The following ZHX1 variants were observed in gnomAD, a reference collection of about 807,000 sequenced individuals.
ZHX1 encodes the protein zinc fingers and homeoboxes protein 1.
A neutral mutation model predicts 61.8 loss-of-function variants in ZHX1; 20 were observed. That is an observed-to-expected ratio of 0.32 (90% confidence interval 0.23 to 0.47). The LOEUF is 0.47. Among genes scored for constraint, ZHX1 ranks in the 20% least tolerant of loss-of-function variants. ZHX1 has a pLI of 1.00. For synonymous variants in ZHX1, 318 were observed against 352.6 expected, an observed-to-expected ratio of 0.90 and a Z score of 1.10; for missense variants, 800 against 1,034.8, an observed-to-expected ratio of 0.77 and a Z score of 3.11.
rs869039149 is a variant in ZHX1 at position 123,249,837 on chromosome 8, GTTTT to G, written c.*483_*486del. On this transcript the variant is annotated 3_prime_UTR_variant, in exon 4 of 4. Coordinates refer to ENST00000395571, the MANE Select transcript of ZHX1 (RefSeq NM_007222.5). ...AAATAAGACATAGTAATAAATCAGG[GTTTT>G]TTTTTTTTTTTTTTTTTTACCCATT... 1.0e-4 allele frequency: 12 copies of G among 117,306 alleles called. No homozygotes were observed. The highest frequency in any genetic ancestry group is 2.5e-4 in the East Asian group (1 of 4,066). 7.3% of individuals were successfully genotyped at this position (117,306 alleles called of 1,614,324 possible). A position where few individuals can be genotyped will look rare whatever the true frequency, so the allele number is the denominator to read the frequency against.
intron 2 of ZHX1, among the ~76,000 whole-genome samples, chr8:123,265,586 T>A (rs1157976942): frequency 6.6e-6 from 1 of 152,032 alleles, no homozygotes; most frequent in Non-Finnish European, 1.5e-5. Flanking sequence ...AATGTAAAAA[T>A]AAAAATAAAA....
chr8:123,258,805 TAAAATAA>T (rs1826156523), intron 2 of ZHX1, among the ~76,000 whole-genome samples: 1 of 152,200 alleles, frequency 6.6e-6, no homozygotes, highest in Non-Finnish European at 1.5e-5. Context: ...CTAAAATTTT[TAAAATAA>T]AAAGTTTTAT....
chr8:123,254,906 T>C lies in ZHX1; in HGVS notation c.1041A>G (p.Glu347=), dbSNP rs111662801. Reference sequence around the variant, plus strand: ...ATTGTTTCCTTCTTGCCTCCTCTACTTCCTCGGGAGTCCAACTAACACCAT... The same window carrying C: ...ATTGTTTCCTTCTTGCCTCCTCTACCTCCTCGGGAGTCCAACTAACACCAT... ...LKHGVSWTPE[E]VEEARRKQFN... is the part of the protein sequence containing the mutation. The change falls in exon 3 of 4, where the codon GAA becomes GAG. Residue 347 remains glutamate, a synonymous_variant. Transcript: ENST00000395571. The surrounding 1 kb of genome is among the most constrained non-coding windows in gnomAD (Gnocchi z 4.1). The C allele has an allele frequency of 2.5e-6, 4 of 1,614,244 alleles. No individual in the cohort carries two copies. In the South Asian group the frequency reaches 4.4e-5, roughly 18 times the overall value.
intron 2 of ZHX1, among the ~76,000 whole-genome samples, chr8:123,260,474 C>T (rs1826213708): frequency 6.7e-6 from 1 of 150,322 alleles, no homozygotes; most frequent in Admixed American, 6.6e-5. Flanking sequence ...TGGCGTGCAC[C>T]TGTAATCCCG....
intron 2 of ZHX1, among the ~76,000 whole-genome samples, chr8:123,256,752 A>T (rs1826081485): frequency 6.6e-6 from 1 of 151,256 alleles, no homozygotes; most frequent in African/African-American, 2.4e-5. Context: ...CAACAGAGTG[A>T]GACTCCATCT....
At chr8:123,251,822 C>T (rs553947982) in intron 3 of ZHX1, among the ~76,000 whole-genome samples, 1 of 152,172 alleles carries the variant, frequency 6.6e-6, no homozygotes, top group East Asian at 1.9e-4. Flanking sequence ...ACCCTATAAC[C>T]TGGAATGATA....
At chr8:123,271,038 GA>G (rs1200802795) in intron 1 of ZHX1, among the ~76,000 whole-genome samples, 1 of 152,048 alleles carries the variant, frequency 6.6e-6, no homozygotes, top group African/African-American at 2.4e-5. Flanking sequence ...ATAAAATGCA[GA>G]TCTCCAAAAT....
At chr8:123,250,611 G>A (rs1338473161) in intron 3 of ZHX1, among the ~76,000 whole-genome samples, 1 of 152,166 alleles carries the variant, frequency 6.6e-6, no homozygotes, top group Non-Finnish European at 1.5e-5. Context: ...AGCAGACTAT[G>A]AAATCTAAAG....
intron 1 of ZHX1, among the ~76,000 whole-genome samples, chr8:123,269,797 C>G (rs1051743219): frequency 1.3e-5 from 2 of 152,118 alleles, no homozygotes; most frequent in Non-Finnish European, 2.9e-5. Flanking sequence ...TGAATGTTAG[C>G]AAAGAAATCT....
rs1275264993 is a variant in ZHX1, at chr8:123,254,860, C to T, written c.1087G>A (p.Val363Ile). The change falls in exon 3 of 4, where the codon GTA becomes ATA. Residue 363 changes from valine (V) to isoleucine (I), a missense_variant. By Grantham distance (29) the Val-to-Ile change is conservative. Transcript: ENST00000395571. This position sits in a 1 kb window ranked among gnomAD's most constrained non-coding sequence, Gnocchi z 4.1. ...RKQFNGTVHT[V>I]PQTITVIPTH... ...GGAATAACAGTTATGGTCTGAGGTA[C>T]AGTATGCACTGTTCCATTGAATTGT... is the stretch of plus-strand genomic sequence containing the variant. 1.9e-6 allele frequency: 3 copies of T among 1,614,178 alleles called. No individual in the cohort carries two copies. In the South Asian group the frequency reaches 3.3e-5, roughly 18 times the overall value.
At chr8:123,262,355 A>C (rs1826299620) in intron 2 of ZHX1, among the ~76,000 whole-genome samples, 1 of 152,216 alleles carries the variant, frequency 6.6e-6, no homozygotes, top group African/African-American at 2.4e-5. Flanking sequence ...ATTTTTTAAA[A>C]CTCAGAAAAT....
chr8:123,259,649 G>A (rs1468501335), intron 2 of ZHX1, among the ~76,000 whole-genome samples: 1 of 152,212 alleles, frequency 6.6e-6, no homozygotes, highest in Admixed American at 6.5e-5. Context: ...AAAGGGAATT[G>A]TTGAAAGGCA....
intron 2 of ZHX1, among the ~76,000 whole-genome samples, chr8:123,262,113 C>T (rs190429937): frequency 6.0e-4 from 92 of 152,212 alleles, no homozygotes; most frequent in South Asian, 2.7e-3. Context: ...AGCTAGGTGA[C>T]TCTGCAATTA....
chr8:123,250,065 G>T lies in ZHX1; in HGVS notation c.*259C>A, dbSNP rs1358807973. The T allele has an allele frequency of 1.5e-5, 5 of 344,594 alleles. No individual in the cohort carries two copies. Among genetic ancestry groups the T allele is most frequent in the Middle Eastern group, 4.2e-4 (1 of 2,392 alleles). The allele number at this position is 344,594 out of a possible 1,614,324, so 21.3% of individuals were successfully genotyped here. A position where few individuals can be genotyped will look rare whatever the true frequency, so the allele number is the denominator to read the frequency against. On this transcript the variant is annotated 3_prime_UTR_variant, in exon 4 of 4. Transcript: ENST00000395571. Reference sequence around the variant, plus strand: ...GTCTCCATCATATTAGAAGAAAAATGTACTGTATTAAAATTTAAATTGCAT... The same window carrying T: ...GTCTCCATCATATTAGAAGAAAAATTTACTGTATTAAAATTTAAATTGCAT...
chr8:123,273,852 C>T (rs1826745497), intron 1 of ZHX1: 1 of 152,472 alleles, frequency 6.6e-6, no homozygotes. Context: ...GTTGCTGGGT[C>T]CTCACCAAGG....
At chr8:123,261,808 TTC>T (rs1452370515) in intron 2 of ZHX1, among the ~76,000 whole-genome samples, 2 of 152,216 alleles carry the variant, frequency 1.3e-5, no homozygotes, top group East Asian at 3.8e-4. Flanking sequence ...ATATTATAAA[TTC>T]TCTCACTTTT....
chr8:123,275,498 A>C (rs1488011054), upstream of ZHX1: 1 of 151,954 alleles, frequency 6.6e-6, no homozygotes, highest in Non-Finnish European at 1.5e-5. Context: ...GAGCCACATT[A>C]ATCCTAAAAG....
Position 123,253,400 on chromosome 8 carries a change from T to A in ZHX1, c.2547A>T (p.Glu849Asp), listed in dbSNP as rs375235916. The change falls in exon 3 of 4, where the codon GAA becomes GAT. Residue 849 changes from glutamate (E) to aspartate (D), a missense_variant. Coordinates refer to ENST00000395571, the MANE Select transcript of ZHX1 (RefSeq NM_007222.5). ...DEVIDDQEED[E>D]EETDDSDTWE... ...AAGTGTCACTATCATCTGTTTCTTCTTCATCCTCTTCCTGGTCATCAATAA... is the reference window on the plus strand; with the variant it reads ...AAGTGTCACTATCATCTGTTTCTTCATCATCCTCTTCCTGGTCATCAATAA... 193 of 1,613,926 alleles carry A rather than the reference T, an allele frequency of 1.2e-4. No individual in the cohort carries two copies. The highest frequency in any genetic ancestry group is 2.7e-4 in the Admixed American group (16 of 60,002).
chr8:123,254,052 A>G lies in ZHX1; in HGVS notation c.1895T>C (p.Ile632Thr). The G allele has an allele frequency of 6.2e-7, 1 of 1,613,950 alleles. No homozygotes were observed. Among genetic ancestry groups the G allele is most frequent in the Non-Finnish European group, 8.5e-7 (1 of 1,179,998 alleles). Residue 632 changes from isoleucine to threonine, a missense_variant, in exon 3 of 4, where the codon ATA becomes ACA. Ile to Thr is a moderately conservative substitution (Grantham distance 89). Coordinates refer to ENST00000395571, the MANE Select transcript of ZHX1 (RefSeq NM_007222.5). This position sits in a 1 kb window ranked among gnomAD's most constrained non-coding sequence, Gnocchi z 4.1. ...SKALKEEKME[I>T]DESNAGSSKE... The stretch of plus-strand genomic sequence containing the variant: ...GGAACTACCTGCATTACTTTCATCT[A>G]TTTCCATTTTCTCTTCCTTTAAAGC...
Sources: allele counts gnomAD v4.1 joint callset (sites outside exome capture counted in the v4.1 genomes callset), GRCh38; gene constraint gnomAD v4.1.1; non-coding constraint Gnocchi (gnomAD v3.1); transcripts MANE v1.5; gene names NCBI Gene and HGNC (gene_info 2026-07-23, HGNC 2026-07-21).